Variants in ATP8B4 observed in about 807,000 individuals in gnomAD.
ATP8B4 encodes probable phospholipid-transporting ATPase IM.
Under a neutral mutation model 145.6 loss-of-function variants are expected in ATP8B4, and 133 were observed. That is an observed-to-expected ratio of 0.91 (90% CI 0.79 to 1.05). The LOEUF (loss-of-function observed/expected upper bound fraction) is 1.05. ATP8B4 is among the 50% of genes least tolerant of loss of function. The probability of loss-of-function intolerance (pLI) is 0.00; values close to 1 mark genes in which losing one functional copy is unlikely to be tolerated. For synonymous variants in ATP8B4, 507 were observed against 492.9 expected, an observed-to-expected ratio of 1.03 and a Z score of -0.38; for missense variants, 1,458 against 1,425.2, an observed-to-expected ratio of 1.02 and a Z score of -0.37.
chr15:49,940,821 G>A (rs1401219436), intron 14 of ATP8B4, among the ~76,000 whole-genome samples: 1 of 152,118 alleles, frequency 6.6e-6, no homozygotes, highest in Non-Finnish European at 1.5e-5. Context: ...ATCAAAAAAG[G>A]AGGAATTTTC....
chr15:50,044,702 A>G lies in ATP8B4; in HGVS notation c.202-10T>C, dbSNP rs756442433. 4.4e-6 allele frequency: 7 copies of G among 1,591,086 alleles called. No homozygotes were observed. Among genetic ancestry groups the G allele is most frequent in the Non-Finnish European group, 4.3e-6 (5 of 1,159,490 alleles). On this transcript the variant is annotated splice_polypyrimidine_tract_variant and intron_variant, in intron 4 of 27. Transcript: ENST00000284509. Reference sequence around the variant, plus strand: ...AAATTTCTGGAATTAGCTGAAACAAACATTCCAAATAGTTTAGGGCTTTTA... The same window carrying G: ...AAATTTCTGGAATTAGCTGAAACAAGCATTCCAAATAGTTTAGGGCTTTTA...
intron 6 of ATP8B4, among the ~76,000 whole-genome samples, chr15:50,036,114 A>T (rs1015817943): frequency 6.6e-6 from 1 of 152,230 alleles, no homozygotes; most frequent in Non-Finnish European, 1.5e-5. Context: ...CTACTATCTT[A>T]TACCTGCTTC....
intron 17 of ATP8B4, among the ~76,000 whole-genome samples, chr15:49,920,886 C>A (rs2040200604): frequency 6.6e-6 from 1 of 152,174 alleles, no homozygotes; most frequent in African/African-American, 2.4e-5. Context: ...CCCCAGGAAC[C>A]ACAACATGAC....
At position 50,047,457 on chromosome 15, in the gene ATP8B4, C is replaced by T. The variant is rs762612545; in HGVS notation, c.95G>A (p.Arg32His). ...AATATTATATTTCGATGTGTGGATA[C>T]GATTATCCTGGAAAAGAAATAGCAT... ...YNEKFQYADN[R>H]IHTSKYNILT... Residue 32 changes from arginine (R) to histidine (H), a missense_variant, in exon 4 of 28, where the codon CGT (arginine) becomes CAT (histidine). Physicochemically the swap from Arg to His is conservative, Grantham distance 29. Transcript: ENST00000284509. 5.3e-5 allele frequency: 82 copies of T among 1,547,702 alleles called. No individual in the cohort carries two copies. Among genetic ancestry groups the T allele is most frequent in the South Asian group, 2.2e-4 (20 of 89,638 alleles).
intron 1 of ATP8B4, among the ~76,000 whole-genome samples, chr15:50,168,142 G>C (rs1387957048): frequency 6.6e-6 from 1 of 152,082 alleles, no homozygotes; most frequent in South Asian, 2.1e-4. Context: ...AGAAGTAAAG[G>C]ACCTAAGTAG....
At chr15:50,013,122 A>G (rs2153573077) in intron 6 of ATP8B4, among the ~76,000 whole-genome samples, 1 of 152,298 alleles carries the variant, frequency 6.6e-6, no homozygotes, top group South Asian at 2.1e-4. Flanking sequence ...GCAGAACTGG[A>G]GGGTCAGACA....
chr15:49,987,749 C>T (rs559288558), intron 9 of ATP8B4, among the ~76,000 whole-genome samples, 200 bp from the exon 10 acceptor site: 1 of 152,030 alleles, frequency 6.6e-6, no homozygotes, highest in East Asian at 1.9e-4. Context: ...GTTTTCTGTA[C>T]TGTCCAAATA....
intron 1 of ATP8B4, among the ~76,000 whole-genome samples, chr15:50,169,472 A>G (rs1228518612): frequency 6.6e-6 from 1 of 152,230 alleles, no homozygotes; most frequent in African/African-American, 2.4e-5. Flanking sequence ...CATCCATAGG[A>G]AAAGGGGAGA....
In ATP8B4 at chr15:50,058,843, G is replaced by T. The variant is rs113450053; in HGVS notation, c.88-11379C>A. Among the ~76,000 whole-genome samples, 746 of 147,826 alleles carry T rather than the reference G, an allele frequency of 5.0e-3. 4 individuals carry two copies. The highest frequency in any genetic ancestry group is 0.021 in the Middle Eastern group (6 of 288). On this transcript the variant is annotated intron_variant, in intron 3 of 27. Coordinates refer to ENST00000284509, the MANE Select transcript of ATP8B4 (RefSeq NM_024837.4). ...CAAACCCACAACACCTGGCTTTGTG[G>T]TTTTTTTTTTGTTGAGTGGCTTTTG...
chr15:50,015,451 T>C (rs2049020054), intron 6 of ATP8B4, among the ~76,000 whole-genome samples: 1 of 152,250 alleles, frequency 6.6e-6, no homozygotes. Flanking sequence ...CAAGTTTGTC[T>C]GGCTACAAAG....
chr15:49,914,452 C>T (rs1212277501), intron 20 of ATP8B4, among the ~76,000 whole-genome samples: 1 of 152,036 alleles, frequency 6.6e-6, no homozygotes, highest in African/African-American at 2.4e-5. Flanking sequence ...CTCAAAAGCA[C>T]AGGCAACAAA....
chr15:49,971,216 A>G (rs1567109873), intron 13 of ATP8B4, among the ~76,000 whole-genome samples: 1 of 152,240 alleles, frequency 6.6e-6, no homozygotes, highest in African/African-American at 2.4e-5. Context: ...ATGGGCAAAG[A>G]CTTCATGACT....
intron 16 of ATP8B4, among the ~76,000 whole-genome samples, chr15:49,924,849 TCTAATTGTTAAACCAGGGG>T (rs1032118711): frequency 2.6e-5 from 4 of 152,194 alleles, no homozygotes; most frequent in Non-Finnish European, 5.9e-5. Context: ...ATGCAATTTA[TCTAATTGTTAAACCAGGGG>T]GGGAAACTTA....
At chr15:50,160,163 G>C (rs886385095) in intron 1 of ATP8B4, among the ~76,000 whole-genome samples, 2 of 151,000 alleles carry the variant, frequency 1.3e-5, no homozygotes, top group Non-Finnish European at 3.0e-5. Context: ...ATTTCTTCTA[G>C]GTTTTCCAAT....
chr15:49,986,284 C>T (rs2046590528), intron 10 of ATP8B4, among the ~76,000 whole-genome samples: 1 of 152,170 alleles, frequency 6.6e-6, no homozygotes. Flanking sequence ...GGAAGCAAAT[C>T]AGGAGGGTAT....
At chr15:50,062,225 A>G (rs1023320077) in intron 3 of ATP8B4, among the ~76,000 whole-genome samples, 3 of 152,152 alleles carry the variant, frequency 2.0e-5, no homozygotes, top group Non-Finnish European at 4.4e-5. Context: ...GCAGTTTCTA[A>G]GGGATGGCTT....
chr15:50,152,398 T>C (rs1011693849), intron 1 of ATP8B4, among the ~76,000 whole-genome samples: 7 of 152,188 alleles, frequency 4.6e-5, no homozygotes, highest in Non-Finnish European at 7.4e-5. Flanking sequence ...AAGAGTTTTA[T>C]ACAATTTAGA....
At chr15:49,969,765 C>G (rs1025977464) in intron 13 of ATP8B4, among the ~76,000 whole-genome samples, 1 of 152,178 alleles carries the variant, frequency 6.6e-6, no homozygotes, top group African/African-American at 2.4e-5. Context: ...CTCCCTAACT[C>G]ATTTTATCAG....
In ATP8B4 at chr15:50,157,911, C is replaced by T. The variant is rs372837734; in HGVS notation, c.-43+24350G>A. ...CTGCGATTGCAGGCGCGTGCCGCCA[C>T]GCCTGACTGGTTTTCGTATTTTTTT... On this transcript the variant is annotated intron_variant, in intron 1 of 3. Coordinates refer to the ATP8B4 transcript ENST00000558829. 3.8e-3 allele frequency among the ~76,000 whole-genome samples: 582 copies of T among 152,046 alleles called. 3 individuals are homozygous for T. Among genetic ancestry groups the T allele is most frequent in the African/African-American group, 4.3e-3 (178 of 41,464 alleles).
Sources: gnomAD v4.1 joint callset for allele counts (sites outside exome capture counted in the v4.1 genomes callset) on GRCh38, gnomAD v4.1.1 for gene constraint, MANE v1.5 for transcripts, NCBI Gene and HGNC (gene_info 2026-07-23, HGNC 2026-07-21) for gene names.